Variants in FHOD3 observed in about 807,000 individuals in gnomAD.
FHOD3 encodes the protein formin homology 2 domain containing 3, also known as FH1/FH2 domain-containing protein 3.
Under a neutral mutation model 173.0 loss-of-function variants are expected in FHOD3, and 90 were observed. The ratio of observed to expected loss-of-function variants is 0.52; its 90% CI spans 0.44 to 0.62. FHOD3 has a LOEUF of 0.62. FHOD3 is among the 20% of genes least tolerant of loss of function. The probability of loss-of-function intolerance (pLI) is 0.00; values close to 1 mark genes in which losing one functional copy is unlikely to be tolerated. For missense variants in FHOD3, 1,945 were observed against 2,034.7 expected (o/e 0.96, Z 0.85); for synonymous variants, 828 against 823.0 (o/e 1.01, Z -0.10).
intron 11 of FHOD3, among the ~76,000 whole-genome samples, chr18:36,652,263 T>C (rs1454241506): frequency 6.6e-6 from 1 of 152,202 alleles, no homozygotes; most frequent in South Asian, 2.1e-4. Context: ...AGAAGAGTCT[T>C]TGGGGCTCCA....
chr18:36,760,631 T>C lies in FHOD3; in HGVS notation c.4473T>C (p.Ser1491=), dbSNP rs766390692. The C allele has an allele frequency of 1.9e-6, 3 of 1,588,460 alleles. No homozygotes were observed. Among genetic ancestry groups the C allele is most frequent in the South Asian group, 1.1e-5 (1 of 88,550 alleles). Reference sequence around the variant, plus strand: ...AGTCTGGCAAGTTCTCCGGCAGTTCTCCGGCGCCCCCAAGCCAGCCGCAGG... The same window carrying C: ...AGTCTGGCAAGTTCTCCGGCAGTTCCCCGGCGCCCCCAAGCCAGCCGCAGG... ...EVESGKFSGS[S]PAPPSQPQGL... Residue 1491 remains serine, a synonymous_variant, in exon 27 of 29, where the codon TCT becomes TCC. Coordinates refer to ENST00000590592, the MANE Select transcript of FHOD3 (RefSeq NM_001281740.3).
chr18:36,764,104 T>C (rs1413724936), intron 27 of FHOD3, among the ~76,000 whole-genome samples: 3 of 152,120 alleles, frequency 2.0e-5, no homozygotes, highest in Admixed American at 6.5e-5. Flanking sequence ...TGGTTTGCTA[T>C]ATGGAAGGAA....
chr18:36,403,848 T>C (rs1233623962), intron 3 of FHOD3, among the ~76,000 whole-genome samples: 2 of 152,154 alleles, frequency 1.3e-5, no homozygotes, highest in African/African-American at 2.4e-5. Flanking sequence ...AGAGTGGGCA[T>C]TGGTGTCCTT....
intron 3 of FHOD3, among the ~76,000 whole-genome samples, chr18:36,466,751 G>A (rs1347606311): frequency 1.3e-5 from 2 of 152,170 alleles, no homozygotes; most frequent in African/African-American, 2.4e-5. Context: ...TGAGGTCTGT[G>A]TGCTGGCAGG....
At chr18:36,755,959 C>T (rs754339221) in intron 25 of FHOD3, among the ~76,000 whole-genome samples, 5 of 152,168 alleles carry the variant, frequency 3.3e-5, no homozygotes, top group Non-Finnish European at 5.9e-5. Context: ...CTCCCGGGCT[C>T]TTTCCCCATC....
At chr18:36,384,199 T>A (rs1253083311) in intron 3 of FHOD3, among the ~76,000 whole-genome samples, 1 of 151,884 alleles carries the variant, frequency 6.6e-6, no homozygotes, top group Admixed American at 6.6e-5. Flanking sequence ...GCTAACATGG[T>A]GAAAACCCAT....
At chr18:36,481,069 T>A (rs2053865895) in intron 3 of FHOD3, among the ~76,000 whole-genome samples, 1 of 141,602 alleles carries the variant, frequency 7.1e-6, no homozygotes, top group South Asian at 2.3e-4. Context: ...ACTCATTTTT[T>A]AAAAAGCTTA....
chr18:36,378,163 A>G (rs1034666586), intron 3 of FHOD3, among the ~76,000 whole-genome samples: 1 of 152,178 alleles, frequency 6.6e-6, no homozygotes, highest in Admixed American at 6.5e-5. Flanking sequence ...ATCTTGTTGC[A>G]AAGGCTCCTG....
chr18:36,640,436 C>G (rs2035224597), intron 10 of FHOD3, among the ~76,000 whole-genome samples: 1 of 152,110 alleles, frequency 6.6e-6, no homozygotes. Flanking sequence ...CTAGAAACAG[C>G]CTTAAAGTTA....
intron 10 of FHOD3, among the ~76,000 whole-genome samples, chr18:36,628,454 A>G (rs1017774548): frequency 5.3e-5 from 8 of 152,232 alleles, no homozygotes; most frequent in Non-Finnish European, 7.3e-5. Flanking sequence ...CAAAAATTCA[A>G]AGACTTGGAG....
chr18:36,587,910 T>A (rs2059091665), intron 6 of FHOD3, among the ~76,000 whole-genome samples: 1 of 152,236 alleles, frequency 6.6e-6, no homozygotes, highest in Admixed American at 6.5e-5. Flanking sequence ...TACCCAGCCT[T>A]ACACTTGGTT....
intron 17 of FHOD3, among the ~76,000 whole-genome samples, chr18:36,703,288 T>C (rs2039687982): frequency 6.6e-6 from 1 of 152,176 alleles, no homozygotes; most frequent in African/African-American, 2.4e-5. Flanking sequence ...TCCTTCTTCC[T>C]ACCTTTGCTA....
intron 9 of FHOD3, among the ~76,000 whole-genome samples, chr18:36,614,192 C>T (rs746326093): frequency 5.3e-5 from 8 of 152,172 alleles, no homozygotes; most frequent in African/African-American, 9.7e-5. Flanking sequence ...GGCCCCAAAC[C>T]GGTAATCTAC....
At chr18:36,627,648 T>C (rs2034209328) in intron 10 of FHOD3, among the ~76,000 whole-genome samples, 1 of 152,226 alleles carries the variant, frequency 6.6e-6, no homozygotes, top group African/African-American at 2.4e-5. Context: ...GGTGATGTTT[T>C]ATCTATCTAG....
chr18:36,379,486 A>G (rs2033517329), intron 3 of FHOD3, among the ~76,000 whole-genome samples: 1 of 152,078 alleles, frequency 6.6e-6, no homozygotes, highest in Admixed American at 6.6e-5. Flanking sequence ...CAGTGTGTTT[A>G]CTCTTCAATG....
At chr18:36,742,947 C>G (rs2041973125) in intron 22 of FHOD3, 91 bp downstream of exon 22, 1 of 1,483,858 alleles carries the variant, frequency 6.7e-7, no homozygotes, top group African/African-American at 1.4e-5. Flanking sequence ...CTCAGGTTCC[C>G]CAAAGCACAG....
chr18:36,618,197 A>G (rs549785793), intron 9 of FHOD3, among the ~76,000 whole-genome samples: 271 of 142,404 alleles, frequency 1.9e-3, no homozygotes, highest in African/African-American at 6.8e-3. Context: ...ACTTTCTTTC[A>G]GTTTACCTTG....
chr18:36,731,706 G>A (rs1340754502), intron 20 of FHOD3, among the ~76,000 whole-genome samples: 1 of 152,226 alleles, frequency 6.6e-6, no homozygotes, highest in Non-Finnish European at 1.5e-5. Flanking sequence ...GAGAGGGAGA[G>A]CAAGCCTTCT....
intron 4 of FHOD3, among the ~76,000 whole-genome samples, chr18:36,504,795 T>C (rs956773804): frequency 7.2e-5 from 11 of 152,160 alleles, no homozygotes; most frequent in Non-Finnish European, 1.6e-4. Context: ...AAGTATCCTG[T>C]GCTTACCTGT....
Sources: gnomAD v4.1 joint callset for allele counts (sites outside exome capture counted in the v4.1 genomes callset) on GRCh38, gnomAD v4.1.1 for gene constraint, MANE v1.5 for transcripts, NCBI Gene and HGNC (gene_info 2026-07-23, HGNC 2026-07-21) for gene names.